The following PRKG1 variants were observed in gnomAD, a reference collection of about 807,000 sequenced individuals.
PRKG1 encodes the protein cGMP-dependent protein kinase 1.
PRKG1 carries 35 observed loss-of-function variants against 88.1 expected under a neutral mutation model. That is an observed-to-expected ratio of 0.40 (90% CI 0.30 to 0.53). PRKG1 has a LOEUF of 0.53. Among genes scored for constraint, PRKG1 ranks in the 20% least tolerant of loss-of-function variants. The probability of loss-of-function intolerance (pLI) is 0.59; values close to 1 mark genes in which losing one functional copy is unlikely to be tolerated. For missense variants in PRKG1, 540 were observed against 839.8 expected (o/e 0.64, Z 4.41); for synonymous variants, 303 against 292.5 (o/e 1.04, Z -0.37).
chr10:51,862,540 T>A (rs1476272856), intron 4 of PRKG1, among the ~76,000 whole-genome samples: 5 of 152,052 alleles, frequency 3.3e-5, no homozygotes, highest in Admixed American at 3.3e-4. Flanking sequence ...GGTAGCCCCA[T>A]GTGTGGCTGA....
intron 3 of PRKG1, among the ~76,000 whole-genome samples, chr10:51,707,392 G>A (rs1274068884): frequency 6.6e-6 from 1 of 152,154 alleles, no homozygotes; most frequent in African/African-American, 2.4e-5. Context: ...ACTTTTAAGT[G>A]TGCACTGGCA....
At chr10:52,039,755 AC>A (rs1217691180) in intron 5 of PRKG1, among the ~76,000 whole-genome samples, 1 of 152,134 alleles carries the variant, frequency 6.6e-6, no homozygotes, top group Non-Finnish European at 1.5e-5. Context: ...TATTCTGTAT[AC>A]TATATTTGGT....
intron 2 of PRKG1, among the ~76,000 whole-genome samples, chr10:51,436,752 A>G (rs1838943855): frequency 6.6e-6 from 1 of 152,052 alleles, no homozygotes; most frequent in Admixed American, 6.6e-5. Context: ...CTTAGATGAG[A>G]TTAAGCAATG....
chr10:51,531,933 G>A (rs1842028404), intron 3 of PRKG1, among the ~76,000 whole-genome samples: 2 of 151,962 alleles, frequency 1.3e-5, no homozygotes, highest in South Asian at 2.1e-4. Context: ...ATGAGCTACC[G>A]TGCCCTGCCA....
intron 8 of PRKG1, among the ~76,000 whole-genome samples, chr10:52,143,953 T>C (rs933487845): frequency 2.0e-5 from 3 of 152,144 alleles, no homozygotes; most frequent in Admixed American, 6.6e-5. Context: ...TCCAAACAGA[T>C]GCATTCAAAA....
intron 2 of PRKG1, among the ~76,000 whole-genome samples, chr10:51,254,941 C>T (rs534439228): frequency 2.4e-4 from 36 of 152,004 alleles, no homozygotes; most frequent in African/African-American, 8.2e-4. Context: ...GGACAGAATG[C>T]CCCAAATAAT....
intron 2 of PRKG1, among the ~76,000 whole-genome samples, chr10:51,438,223 G>A (rs764802908): frequency 6.6e-6 from 1 of 151,530 alleles, no homozygotes; most frequent in South Asian, 2.1e-4. Flanking sequence ...GAAGAATTAC[G>A]GAATTCCCAT....
At chr10:51,229,915 T>C (rs1589262388) in intron 2 of PRKG1, among the ~76,000 whole-genome samples, 1 of 107,062 alleles carries the variant, frequency 9.3e-6, no homozygotes. Flanking sequence ...GGTTACAGGG[T>C]GAGGCGATCT....
intron 1 of PRKG1, among the ~76,000 whole-genome samples, chr10:51,038,201 T>C (rs1385907121): frequency 1.3e-5 from 2 of 152,226 alleles, no homozygotes; most frequent in African/African-American, 4.8e-5. Flanking sequence ...TGTGGATACA[T>C]AGTTGGTGTA....
At chr10:51,121,234 T>C (rs1845253488) in intron 1 of PRKG1, among the ~76,000 whole-genome samples, 1 of 152,176 alleles carries the variant, frequency 6.6e-6, no homozygotes, top group Admixed American at 6.6e-5. Flanking sequence ...CCTTTTTCCA[T>C]ATAAGGTAAT....
At chr10:52,083,523 A>G (rs960499687) in intron 7 of PRKG1, among the ~76,000 whole-genome samples, 9 of 152,092 alleles carry the variant, frequency 5.9e-5, no homozygotes, top group Non-Finnish European at 1.2e-4. Context: ...TCTTGGCTTA[A>G]ATAGTGTTAC....
chr10:51,335,881 A>G (rs1841863927), intron 2 of PRKG1, among the ~76,000 whole-genome samples: 1 of 152,198 alleles, frequency 6.6e-6, no homozygotes, highest in Non-Finnish European at 1.5e-5. Context: ...GAATGGATTA[A>G]GTTTCAAGAA....
Position 51,034,674 on chromosome 10 carries a change from A to T in PRKG1, c.266+43030A>T, listed in dbSNP as rs1176086770. On this transcript the variant is annotated intron_variant, in intron 1 of 17. Transcript: ENST00000401604. ...ATTATATATAATATGTTATTTATAT[A>T]TATATATATATATATATATATATAT... 4.1e-3 allele frequency among the ~76,000 whole-genome samples: 444 copies of T among 109,430 alleles called. 12 individuals are homozygous for T. Among genetic ancestry groups the T allele is most frequent in the South Asian group, 7.4e-3 (27 of 3,630 alleles). 71.8% of individuals were successfully genotyped at this position (109,430 alleles called of 152,430 possible).
intron 5 of PRKG1, among the ~76,000 whole-genome samples, chr10:52,031,458 G>C (rs551947928): frequency 1.3e-5 from 2 of 152,044 alleles, no homozygotes; most frequent in Admixed American, 1.3e-4. Flanking sequence ...AGGGCTTCTT[G>C]CAATAATCTA....
intron 3 of PRKG1, chr10:51,699,119 A>C: frequency 6.2e-7 from 1 of 1,614,232 alleles, no homozygotes; most frequent in Non-Finnish European, 8.5e-7. Context: ...CATCTGCTTC[A>C]TCAGCTCAAA....
intron 4 of PRKG1, among the ~76,000 whole-genome samples, chr10:51,849,821 CAG>C (rs1251784756): frequency 1.3e-5 from 2 of 152,064 alleles, no homozygotes; most frequent in Non-Finnish European, 2.9e-5. Flanking sequence ...CACATTCAAA[CAG>C]GGGCAGACTC....
At chr10:51,192,854 A>C (rs1837664960) in intron 2 of PRKG1, among the ~76,000 whole-genome samples, 1 of 152,032 alleles carries the variant, frequency 6.6e-6, no homozygotes, top group Non-Finnish European at 1.5e-5. Flanking sequence ...CTACCTTTCA[A>C]GTCATTCATT....
At chr10:51,299,619 A>G (rs1175607627) in intron 2 of PRKG1, 1 of 469,192 alleles carries the variant, frequency 2.1e-6, no homozygotes, top group Admixed American at 2.4e-5. Context: ...CTTGGGAAAA[A>G]CAGAGAAGGC....
At chr10:51,323,058 T>C (rs1447892858) in intron 2 of PRKG1, among the ~76,000 whole-genome samples, 1 of 152,172 alleles carries the variant, frequency 6.6e-6, no homozygotes, top group Non-Finnish European at 1.5e-5. Context: ...CATTTACATA[T>C]GGAAAAATAG....
Sources: gnomAD v4.1 joint callset for allele counts (sites outside exome capture counted in the v4.1 genomes callset) on GRCh38, gnomAD v4.1.1 for gene constraint, MANE v1.5 for transcripts, NCBI Gene and HGNC (gene_info 2026-07-23, HGNC 2026-07-21) for gene names.